Variants in TUBGCP6 observed in about 807,000 individuals in gnomAD.
The protein encoded by TUBGCP6 is gamma-tubulin complex component 6.
TUBGCP6 carries 161 observed loss-of-function variants against 175.8 expected under a neutral mutation model. That is an observed-to-expected ratio of 0.92 (90% CI 0.81 to 1.04). The LOEUF (loss-of-function observed/expected upper bound fraction) is 1.04, where lower values mean the gene tolerates loss of function less well. Among genes scored for constraint, TUBGCP6 ranks in the 50% least tolerant of loss-of-function variants. The pLI is 0.00. For synonymous variants in TUBGCP6, 1,173 were observed against 1,030.5 expected (o/e 1.14, Z -2.65); for missense variants, 2,572 against 2,433.0 (o/e 1.06, Z -1.20).
chr22:50,221,036 C>A lies in TUBGCP6; in HGVS notation c.3323G>T (p.Gly1108Val), dbSNP rs752714295. 6.2e-7 allele frequency: 1 copy of A among 1,612,386 alleles called. No individual in the cohort carries two copies. The highest frequency in any genetic ancestry group is 2.2e-5 in the East Asian group (1 of 44,756). The change falls in exon 16 of 25, where the codon GGA becomes GTA. Residue 1108 changes from glycine (G) to valine (V), a missense_variant. Coordinates refer to ENST00000248846, the MANE Select transcript of TUBGCP6 (RefSeq NM_020461.4). The stretch of plus-strand genomic sequence containing the variant: ...CCTGATGCTGGCGTTGGACACATGT[C>A]CATGGATGTTCCACCGTGGCCGAGT... ...APTRPRWNIH[G>V]HVSNASIRVG... is the part of the protein sequence containing the mutation.
intron 3 of TUBGCP6, among the ~76,000 whole-genome samples, chr22:50,229,856 A>C (rs1393764797): frequency 6.6e-6 from 1 of 152,210 alleles, no homozygotes; most frequent in Non-Finnish European, 1.5e-5. Context: ...AAGTACACAG[A>C]CAGCCTCCTG....
intron 2 of TUBGCP6, among the ~76,000 whole-genome samples, chr22:50,237,822 G>C (rs1156945961): frequency 6.6e-6 from 1 of 152,202 alleles, no homozygotes; most frequent in African/African-American, 2.4e-5. Context: ...TAGAAAAGGG[G>C]GAGTTAATAA....
chr22:50,227,950 G>A lies in TUBGCP6; in HGVS notation c.1369C>T (p.Leu457Phe), dbSNP rs2064636746. Reference sequence around the variant, plus strand: ...TTCTTGAAGAGAAAACCAATGGTGAGGAGGCTCAGGGTGGGCGGAGTGGAA... The same window carrying A: ...TTCTTGAAGAGAAAACCAATGGTGAAGAGGCTCAGGGTGGGCGGAGTGGAA... ...VLSTPPTLSLLTIGFLFKKLG... is the reference protein window; with the variant it reads ...VLSTPPTLSLFTIGFLFKKLG... Residue 457 changes from leucine to phenylalanine, a missense_variant, in exon 5 of 25, where the codon CTC becomes TTC. By Grantham distance (22) the Leu-to-Phe change is conservative. Transcript: ENST00000248846. 2.5e-6 allele frequency: 4 copies of A among 1,573,144 alleles called. 1 individual carries two copies. In the East Asian group the frequency reaches 6.9e-5, roughly 27 times the overall value.
At chr22:50,241,698 GC>G (rs775723054) in intron 1 of TUBGCP6, among the ~76,000 whole-genome samples, 14 of 152,140 alleles carry the variant, frequency 9.2e-5, no homozygotes, top group Non-Finnish European at 1.9e-4. Context: ...ACAGGGAAGG[GC>G]CCCCTGTCCA....
rs777147777 is a variant in TUBGCP6 at position 50,226,840 on chromosome 22, G to A, written c.1494C>T (p.Gly498=). The change falls in exon 7 of 25, where the codon GGC becomes GGT. Residue 498 remains glycine (G), a splice_region_variant and synonymous_variant. Coordinates refer to ENST00000248846, the MANE Select transcript of TUBGCP6 (RefSeq NM_020461.4). ...GGGPRAAFPT[G]VKLLSYLYQE... is the part of the protein sequence containing the mutation. ...GGTAGAGGTAGGACAGCAGCTTCAC[G>A]CCCTGCAGACCGCAAAGGGGGTGGG... 21 of 1,575,886 alleles carry A rather than the reference G, an allele frequency of 1.3e-5. No individual in the cohort carries two copies. The highest frequency in any genetic ancestry group is 5.8e-5 in the South Asian group (5 of 86,212).
chr22:50,231,952 G>A (rs565534973), intron 3 of TUBGCP6, among the ~76,000 whole-genome samples: 13 of 152,208 alleles, frequency 8.5e-5, no homozygotes, highest in South Asian at 4.1e-4. Flanking sequence ...CGGGCGTGGC[G>A]GCTCACACTT....
At chr22:50,224,654 C>G (rs1171760197) in intron 10 of TUBGCP6, 62 bp from the exon 11 acceptor site, 1 of 1,569,910 alleles carries the variant, frequency 6.4e-7, no homozygotes, top group East Asian at 2.2e-5. Flanking sequence ...CGCCTGTAAT[C>G]CTGGCACTTT....
chr22:50,232,915 C>G (rs1569121399), intron 3 of TUBGCP6, among the ~76,000 whole-genome samples: 1 of 152,220 alleles, frequency 6.6e-6, no homozygotes, highest in East Asian at 1.9e-4. Flanking sequence ...GGCCCCATCC[C>G]GGATGACACC....
At chr22:50,229,058 G>A (rs573286251) in intron 4 of TUBGCP6, among the ~76,000 whole-genome samples, 4 of 152,234 alleles carry the variant, frequency 2.6e-5, no homozygotes, top group Admixed American at 1.3e-4. Context: ...AGGGCCCTGC[G>A]CTGTCAGTCA....
At chr22:50,240,125 G>A (rs758657176) in intron 2 of TUBGCP6, 79 bp downstream of exon 2, 178 of 1,578,016 alleles carry the variant, frequency 1.1e-4, no homozygotes, top group Middle Eastern at 2.2e-4. Context: ...AGTACACAAC[G>A]CCCCCCACAC....
chr22:50,218,623 G>A lies in TUBGCP6; in HGVS notation c.4822-3C>T. 1.2e-6 allele frequency: 2 copies of A among 1,613,838 alleles called. No individual in the cohort carries two copies. The highest frequency in any genetic ancestry group is 1.1e-5 in the South Asian group (1 of 91,088). On this transcript the variant is annotated splice_region_variant and splice_polypyrimidine_tract_variant and intron_variant, in intron 21 of 24. Coordinates refer to ENST00000248846, the MANE Select transcript of TUBGCP6 (RefSeq NM_020461.4). ...ACAATGTTGAGAGGCCAGTCCACCTGCCAGGAGGCGTGGCTCAGCAGGCAT... is the reference window on the plus strand; with the variant it reads ...ACAATGTTGAGAGGCCAGTCCACCTACCAGGAGGCGTGGCTCAGCAGGCAT...
chr22:50,226,412 C>A (rs1259807907), intron 7 of TUBGCP6, 34 bp from the exon 8 acceptor site: 3 of 1,559,484 alleles, frequency 1.9e-6, no homozygotes, highest in South Asian at 1.2e-5. Flanking sequence ...TAGATGTGGT[C>A]AACGGAGAGG....
chr22:50,232,997 G>A (rs919892570), intron 3 of TUBGCP6, among the ~76,000 whole-genome samples: 1 of 152,240 alleles, frequency 6.6e-6, no homozygotes, highest in African/African-American at 2.4e-5. Context: ...CCTCCCGAGC[G>A]GTGGGAAGGC....
chr22:50,218,147 T>C (rs369469412), intron 23 of TUBGCP6, 30 bp from the exon 24 acceptor site: 283 of 1,610,246 alleles, frequency 1.8e-4, no homozygotes, highest in Non-Finnish European at 2.4e-4. Context: ...CTGGGTGGGC[T>C]GAGCCGTGAC....
At position 50,221,010 on chromosome 22, in the gene TUBGCP6, C is replaced by T. The variant is rs2064512500; in HGVS notation, c.3349G>A (p.Val1117Ile). The change falls in exon 16 of 25, where the codon GTC (valine) becomes ATC (isoleucine). Residue 1117 changes from valine (V) to isoleucine (I), a missense_variant. By Grantham distance (29) the Val-to-Ile change is conservative. Coordinates refer to ENST00000248846, the MANE Select transcript of TUBGCP6 (RefSeq NM_020461.4). ...HGHVSNASIR[V>I]GENVSDVAPT... is the part of the protein sequence containing the mutation. Reference sequence around the variant, plus strand: ...GCCACATCTGACACATTCTCCCCGACCCTGATGCTGGCGTTGGACACATGT... The same window carrying T: ...GCCACATCTGACACATTCTCCCCGATCCTGATGCTGGCGTTGGACACATGT... 6.2e-7 allele frequency: 1 copy of T among 1,606,956 alleles called. No individual in the cohort carries two copies. Among genetic ancestry groups the T allele is most frequent in the Non-Finnish European group, 8.5e-7 (1 of 1,178,530 alleles).
At chr22:50,230,721 G>A (rs2064676636) in intron 3 of TUBGCP6, among the ~76,000 whole-genome samples, 1 of 150,600 alleles carries the variant, frequency 6.6e-6, no homozygotes, top group Non-Finnish European at 1.5e-5. Flanking sequence ...TGAGGCTGCA[G>A]TGAGTCATGT....
rs144846898 is a variant in TUBGCP6 at position 50,239,537 on chromosome 22, C to G, written c.905+667G>C. ...TCAAAAGATACCACCACATTAAAGACTCTGAGAGGTGCTGAGTGCAGAGGC... is the reference window on the plus strand; with the variant it reads ...TCAAAAGATACCACCACATTAAAGAGTCTGAGAGGTGCTGAGTGCAGAGGC... On this transcript the variant is annotated intron_variant, in intron 2 of 24. Transcript: ENST00000248846. Among the ~76,000 whole-genome samples the G allele has an allele frequency of 3.2e-4, 49 of 152,136 alleles. 1 individual carries two copies. In the East Asian group the frequency reaches 7.1e-3, roughly 22 times the overall value.
At chr22:50,235,897 G>A (rs2064772902) in intron 2 of TUBGCP6, among the ~76,000 whole-genome samples, 1 of 149,470 alleles carries the variant, frequency 6.7e-6, no homozygotes, top group Admixed American at 6.7e-5. Flanking sequence ...CCAAGATCGT[G>A]CCACTGCACT....
chr22:50,241,423 G>C (rs933443494), intron 1 of TUBGCP6, among the ~76,000 whole-genome samples: 9 of 152,030 alleles, frequency 5.9e-5, no homozygotes, highest in Non-Finnish European at 1.0e-4. Context: ...CCTTTCCCTG[G>C]GGGAGTTAGA....
Sources: gnomAD v4.1 joint callset for allele counts (sites outside exome capture counted in the v4.1 genomes callset) on GRCh38, gnomAD v4.1.1 for gene constraint, MANE v1.5 for transcripts, NCBI Gene and HGNC (gene_info 2026-07-23, HGNC 2026-07-21) for gene names.